Variants in SNAP91 observed in about 807,000 individuals in gnomAD.
The protein encoded by SNAP91 is synaptosome associated protein 91.
In SNAP91, 27 loss-of-function variants were observed where a neutral mutation model predicts 100.3. The ratio of observed to expected loss-of-function variants is 0.27; its 90% CI spans 0.20 to 0.37. SNAP91 has a LOEUF of 0.37. Ranked by LOEUF, SNAP91 falls within the 10% of genes least tolerant of loss-of-function variation. SNAP91 has a pLI of 1.00. For missense variants in SNAP91, 986 were observed against 1,123.7 expected (o/e 0.88, Z 1.75); for synonymous variants, 404 against 398.6 (o/e 1.01, Z -0.16).
At chr6:83,612,916 C>CAAAA (rs1554256377) in intron 11 of SNAP91, among the ~76,000 whole-genome samples, 1 of 105,542 alleles carries the variant, frequency 9.5e-6, no homozygotes. Flanking sequence ...AAAAAAATAT[C>CAAAA]AACAGCTTTA....
intron 2 of SNAP91, among the ~76,000 whole-genome samples, chr6:83,669,295 C>T (rs2098741429): frequency 6.6e-6 from 1 of 151,578 alleles, no homozygotes; most frequent in Non-Finnish European, 1.5e-5. Flanking sequence ...TCTACTCTCT[C>T]ACCAAAAAGA....
At chr6:83,645,813 T>A (rs1360407207) in intron 7 of SNAP91, among the ~76,000 whole-genome samples, 1 of 152,190 alleles carries the variant, frequency 6.6e-6, no homozygotes, top group Admixed American at 6.5e-5. Context: ...TTCGTGCCAC[T>A]GCACTCCAGT....
chr6:83,561,204 G>GAA (rs1476880479), intron 26 of SNAP91, among the ~76,000 whole-genome samples: 1 of 152,030 alleles, frequency 6.6e-6, no homozygotes, highest in Non-Finnish European at 1.5e-5. Flanking sequence ...TGCCATGGCT[G>GAA]ACCAATTTTT....
At chr6:83,691,202 T>C (rs2099126287) in intron 2 of SNAP91, among the ~76,000 whole-genome samples, 1 of 152,300 alleles carries the variant, frequency 6.6e-6, no homozygotes, top group South Asian at 2.1e-4. Context: ...TAAATTAGTT[T>C]ATTAAATGTT....
intron 2 of SNAP91, among the ~76,000 whole-genome samples, chr6:83,698,157 A>G (rs2099245184): frequency 6.6e-6 from 1 of 151,544 alleles, no homozygotes; most frequent in African/African-American, 2.4e-5. Context: ...ACTGTGGGGT[A>G]TGTGTGTGTG....
At chr6:83,679,215 T>C (rs1381785923) in intron 2 of SNAP91, among the ~76,000 whole-genome samples, 2 of 152,140 alleles carry the variant, frequency 1.3e-5, no homozygotes, top group Non-Finnish European at 2.9e-5. Context: ...ACATTTTATA[T>C]CAGGGACTTG....
At chr6:83,614,954 A>G (rs2096391569) in intron 10 of SNAP91, 92 bp from the exon 11 acceptor site, 2 of 1,051,900 alleles carry the variant, frequency 1.9e-6, no homozygotes, top group Non-Finnish European at 2.8e-6. Flanking sequence ...TAAGCAAAAG[A>G]CAAGTTCAAA....
At chr6:83,655,810 A>C (rs1235285026) in intron 7 of SNAP91, among the ~76,000 whole-genome samples, 1 of 152,212 alleles carries the variant, frequency 6.6e-6, no homozygotes, top group Non-Finnish European at 1.5e-5. Flanking sequence ...TTCCCAGTGC[A>C]TCTACTCTTT....
intron 2 of SNAP91, among the ~76,000 whole-genome samples, chr6:83,677,555 A>C (rs1379712892): frequency 6.6e-6 from 1 of 152,172 alleles, no homozygotes; most frequent in Non-Finnish European, 1.5e-5. Context: ...GTCAATCCTT[A>C]GGGTAGTAGA....
chr6:83,634,964 G>T (rs1007227986), intron 8 of SNAP91, among the ~76,000 whole-genome samples: 8 of 151,994 alleles, frequency 5.3e-5, no homozygotes, highest in Non-Finnish European at 1.2e-4. Flanking sequence ...AGTTCCTCTT[G>T]GTATTGATTT....
In SNAP91 at chr6:83,593,609, G is replaced by A. The variant is rs1252888789; in HGVS notation, c.1565C>T (p.Ala522Val). ...ASTAPPVPAT[A>V]PSPAPAVAAA... is the part of the protein sequence containing the mutation. ...TGCAACGGCAGGAGCAGGAGAAGGA[G>A]CAGTTGCGGGAACTGGAGGGGCTGT... The change falls in exon 18 of 30, where the codon GCT (alanine) becomes GTT (valine). Residue 522 changes from alanine (A) to valine (V), a missense_variant. By Grantham distance (64) the Ala-to-Val change is moderately conservative. Coordinates refer to ENST00000369694, the MANE Select transcript of SNAP91 (RefSeq NM_001242792.2). 4 of 1,595,840 alleles carry A rather than the reference G, an allele frequency of 2.5e-6. No individual in the cohort carries two copies. The highest frequency in any genetic ancestry group is 3.4e-6 in the Non-Finnish European group (4 of 1,171,192).
At chr6:83,709,354 G>A (rs940458678), upstream of SNAP91, 5 of 152,424 alleles carry the variant, frequency 3.3e-5, no homozygotes, top group African/African-American at 1.2e-4. Flanking sequence ...CTGGGCGCCG[G>A]GCCGCCCCTC....
At chr6:83,663,095 A>T (rs986073285) in intron 3 of SNAP91, among the ~76,000 whole-genome samples, 1 of 152,124 alleles carries the variant, frequency 6.6e-6, no homozygotes. Context: ...TGTGCCCATA[A>T]ATGATGGCAA....
intron 7 of SNAP91, among the ~76,000 whole-genome samples, chr6:83,642,674 G>A (rs1262454491): frequency 2.0e-5 from 3 of 152,198 alleles, no homozygotes; most frequent in Non-Finnish European, 4.4e-5. Context: ...TTTTATAGCA[G>A]CATGATTTAT....
intron 3 of SNAP91, among the ~76,000 whole-genome samples, chr6:83,663,046 T>A (rs1336575631): frequency 2.6e-5 from 4 of 152,136 alleles, no homozygotes. Flanking sequence ...TCAGTGATCT[T>A]TGATGTTACT....
intron 2 of SNAP91, among the ~76,000 whole-genome samples, chr6:83,668,353 T>G (rs1374446242): frequency 6.6e-6 from 1 of 152,164 alleles, no homozygotes; most frequent in Non-Finnish European, 1.5e-5. Flanking sequence ...GGATTATAAA[T>G]CATGCTGCTA....
chr6:83,607,825 A>G lies in SNAP91; in HGVS notation c.913-17T>C. ...TGGAGAAGACTGAAAGTGAAGATGC[A>G]CAACACACTTGAGTCAAATATGAAT... On this transcript the variant is annotated splice_polypyrimidine_tract_variant and intron_variant, in intron 12 of 29. Coordinates refer to ENST00000369694, the MANE Select transcript of SNAP91 (RefSeq NM_001242792.2). The G allele has an allele frequency of 8.1e-6, 12 of 1,472,722 alleles. No individual in the cohort carries two copies. Among genetic ancestry groups the G allele is most frequent in the Non-Finnish European group, 1.1e-5 (12 of 1,072,552 alleles). The allele number at this position is 1,472,722 out of a possible 1,614,324, so 91.2% of individuals were successfully genotyped here.
rs1036809108 is a variant in SNAP91, at chr6:83,560,157, C to A, written c.2578G>T (p.Ala860Ser). ...PMMPQQPVMF[A>S]QPMMRPPFGA... The stretch of plus-strand genomic sequence containing the variant: ...AAGGGGGGCCTCATCATGGGCTGTG[C>A]AAACATGACCGGCTGCTGAGGCATC... Residue 860 changes from alanine to serine, a missense_variant, in exon 28 of 30, where the codon GCA becomes TCA. Coordinates refer to ENST00000369694, the MANE Select transcript of SNAP91 (RefSeq NM_001242792.2). 2 of 1,613,956 alleles carry A rather than the reference C, an allele frequency of 1.2e-6. No homozygotes were observed. The highest frequency in any genetic ancestry group is 3.3e-5 in the Admixed American group (2 of 60,014).
intron 2 of SNAP91, among the ~76,000 whole-genome samples, chr6:83,672,674 T>C (rs1165264765): frequency 6.6e-6 from 1 of 152,172 alleles, no homozygotes; most frequent in African/African-American, 2.4e-5. Context: ...TGTAACTGGC[T>C]TGTCATATGC....
Sources: gnomAD v4.1 joint callset for allele counts (sites outside exome capture counted in the v4.1 genomes callset) on GRCh38, gnomAD v4.1.1 for gene constraint, MANE v1.5 for transcripts, NCBI Gene and HGNC (gene_info 2026-07-23, HGNC 2026-07-21) for gene names.